Variants in PCDHGA9 observed in about 807,000 individuals in gnomAD.
PCDHGA9 encodes the protein protocadherin gamma-A9.
In PCDHGA9, 37 loss-of-function variants were observed where a neutral mutation model predicts 62.5. That is an observed-to-expected ratio of 0.59 (90% CI 0.46 to 0.78). The LOEUF is 0.78. PCDHGA9 is among the 30% of genes least tolerant of loss of function. The pLI is 0.00. For synonymous variants in PCDHGA9, 459 were observed against 484.6 expected, an observed-to-expected ratio of 0.95 and a Z score of 0.69; for missense variants, 1,138 against 1,166.2, an observed-to-expected ratio of 0.98 and a Z score of 0.35.
chr5:141,414,866 C>G (rs1413236073), intron 1 of PCDHGA9: 1 of 1,614,230 alleles, frequency 6.2e-7, no homozygotes, highest in Non-Finnish European at 8.5e-7. Flanking sequence ...GACAATGCGC[C>G]CGAGATCCTG....
At chr5:141,408,458 G>A (rs760881860) in intron 1 of PCDHGA9, 1 of 1,614,066 alleles carries the variant, frequency 6.2e-7, no homozygotes, top group Admixed American at 1.7e-5. Context: ...GGACTTACTT[G>A]TGAAGAACCG....
At chr5:141,408,513 T>C in intron 1 of PCDHGA9, 2 of 1,614,034 alleles carry the variant, frequency 1.2e-6, no homozygotes, top group East Asian at 4.5e-5. Context: ...AGATGTGAGT[T>C]GCAATTGGAA....
chr5:141,403,242 C>A lies in PCDHGA9; in HGVS notation c.290C>A (p.Ala97Asp). 6.2e-7 allele frequency: 1 copy of A among 1,613,932 alleles called. No homozygotes were observed. The highest frequency in any genetic ancestry group is 8.5e-7 in the Non-Finnish European group (1 of 1,179,904). ...AGGATAGACCGGGAGGAGCTCTGTG[C>A]TCAGAGCCCGCGGTGTCTGGTGAAC... is the stretch of plus-strand genomic sequence containing the variant. Reference protein sequence around the residue: ...AGRIDREELCAQSPRCLVNFK... With the variant: ...AGRIDREELCDQSPRCLVNFK... The change falls in exon 1 of 4, where the codon GCT becomes GAT. Residue 97 changes from alanine (A) to aspartate (D), a missense_variant. Transcript: ENST00000573521.
chr5:141,507,691 A>G (rs777728143), intron 3 of PCDHGA9, among the ~76,000 whole-genome samples: 72 of 152,198 alleles, frequency 4.7e-4, no homozygotes, highest in Non-Finnish European at 6.8e-4. Context: ...CAGAAATGAA[A>G]TCAGTATTTA....
At chr5:141,415,046 G>C in intron 1 of PCDHGA9, 1 of 1,613,468 alleles carries the variant, frequency 6.2e-7, no homozygotes, top group Non-Finnish European at 8.5e-7. Context: ...TTCGCGGTGG[G>C]GGAGCACACG....
chr5:141,413,019 C>A (rs1056458163), intron 1 of PCDHGA9: 24 of 683,104 alleles, frequency 3.5e-5, no homozygotes, highest in Non-Finnish European at 5.2e-5. Flanking sequence ...ACTACACAAG[C>A]CCCACAAACC....
chr5:141,476,743 T>A lies in PCDHGA9; in HGVS notation c.2425-18064T>A. On this transcript the variant is annotated intron_variant, in intron 1 of 3. Coordinates refer to ENST00000573521, the MANE Select transcript of PCDHGA9 (RefSeq NM_018921.3). The surrounding 1 kb of genome is among the most constrained non-coding windows in gnomAD (Gnocchi z 7.6). ...CCCTGGACCGAGAACGGGAGCCTAG[T>A]CTCCAGTTAGTGCTGACGGCGTTGG... is the stretch of plus-strand genomic sequence containing the variant. The A allele has an allele frequency of 6.2e-7, 1 of 1,613,932 alleles. No individual in the cohort carries two copies. The highest frequency in any genetic ancestry group is 1.1e-5 in the South Asian group (1 of 91,064).
chr5:141,476,091 G>A lies in PCDHGA9; in HGVS notation c.2425-18716G>A. The A allele has an allele frequency of 2.6e-6, 4 of 1,563,192 alleles. No individual in the cohort carries two copies. The highest frequency in any genetic ancestry group is 3.5e-6 in the Non-Finnish European group (4 of 1,159,278). On this transcript the variant is annotated intron_variant, in intron 1 of 3. Transcript: ENST00000573521. The surrounding 1 kb of genome is among the most constrained non-coding windows in gnomAD (Gnocchi z 7.6). ...AAATCTCAGGGACGATCTGGACCCCGCTGAGAGGAACTGCTTTTGAGTGAG... is the reference window on the plus strand; with the variant it reads ...AAATCTCAGGGACGATCTGGACCCCACTGAGAGGAACTGCTTTTGAGTGAG...
intron 1 of PCDHGA9, chr5:141,419,989 T>C (rs778087109): frequency 4.1e-5 from 66 of 1,613,962 alleles, no homozygotes; most frequent in Non-Finnish European, 5.2e-5. Context: ...TGATTCTAGC[T>C]ATTGCTCTAC....
chr5:141,484,959 C>A, intron 1 of PCDHGA9: 2 of 575,576 alleles, frequency 3.5e-6, no homozygotes, highest in Non-Finnish European at 6.2e-6. Flanking sequence ...ATTGGCTGAG[C>A]CCGGGAGCCG....
chr5:141,483,606 C>T (rs1460635551), intron 1 of PCDHGA9, among the ~76,000 whole-genome samples: 1 of 151,984 alleles, frequency 6.6e-6, no homozygotes, highest in Non-Finnish European at 1.5e-5. Flanking sequence ...CTGGTTTACA[C>T]CTCCATCATT....
At position 141,418,763 on chromosome 5, in the gene PCDHGA9, C is replaced by G. The variant is rs914122527; in HGVS notation, c.2424+13387C>G. The stretch of plus-strand genomic sequence containing the variant: ...TCTGGATTACACTACAGGAAACATT[C>G]TAACTCAGCAGCCTTTGGATTTTGA... On this transcript the variant is annotated intron_variant, in intron 1 of 3. Coordinates refer to ENST00000573521, the MANE Select transcript of PCDHGA9 (RefSeq NM_018921.3). 5 of 1,613,728 alleles carry G rather than the reference C, an allele frequency of 3.1e-6. No homozygotes were observed. The Admixed American group carries it at 5.0e-5, about 16-fold the overall frequency.
rs752680691 is a variant in PCDHGA9, at chr5:141,433,173, G to A, written c.2424+27797G>A. Reference sequence around the variant, plus strand: ...TCGGTATTTTCTAAAGACAGTCATGGGTTAATTGAGGTGAGTTTATATCAA... The same window carrying A: ...TCGGTATTTTCTAAAGACAGTCATGAGTTAATTGAGGTGAGTTTATATCAA... On this transcript the variant is annotated intron_variant, in intron 1 of 3. Coordinates refer to ENST00000573521, the MANE Select transcript of PCDHGA9 (RefSeq NM_018921.3). 3.1e-6 allele frequency: 5 copies of A among 1,610,344 alleles called. 1 individual carries two copies. In the Middle Eastern group the frequency reaches 5.0e-4, roughly 160 times the overall value.
chr5:141,477,970 T>G lies in PCDHGA9; in HGVS notation c.2425-16837T>G. ...TCTTGGGATCCCCTAACCAGAGCCTTTTTGCCATAGGGCTGCACACTGGTC... is the reference window on the plus strand; with the variant it reads ...TCTTGGGATCCCCTAACCAGAGCCTGTTTGCCATAGGGCTGCACACTGGTC... On this transcript the variant is annotated intron_variant, in intron 1 of 3. Coordinates refer to ENST00000573521, the MANE Select transcript of PCDHGA9 (RefSeq NM_018921.3). This position sits in a 1 kb window ranked among gnomAD's most constrained non-coding sequence, Gnocchi z 4.9. 1 of 1,614,090 alleles carries G rather than the reference T, an allele frequency of 6.2e-7. No homozygotes were observed. The highest frequency in any genetic ancestry group is 8.5e-7 in the Non-Finnish European group (1 of 1,180,002).
chr5:141,478,145 T>C (rs1252008984), intron 1 of PCDHGA9: 1 of 1,614,026 alleles, frequency 6.2e-7, no homozygotes. Context: ...CCGAGCCGAG[T>C]TCCCCTCTGG....
chr5:141,480,239 A>C (rs1320132415), intron 1 of PCDHGA9, among the ~76,000 whole-genome samples: 4 of 136,218 alleles, frequency 2.9e-5, no homozygotes, highest in African/African-American at 1.1e-4. Context: ...TCCTGTCTCT[A>C]CAAAAAAAAA....
At chr5:141,415,401 G>T in intron 1 of PCDHGA9, 2 of 1,614,206 alleles carry the variant, frequency 1.2e-6, no homozygotes, top group Non-Finnish European at 1.7e-6. Context: ...TGTCCGGCTC[G>T]CACTTTGTGG....
intron 1 of PCDHGA9, chr5:141,422,162 A>T: frequency 6.4e-7 from 1 of 1,571,230 alleles, no homozygotes; most frequent in Non-Finnish European, 8.6e-7. Context: ...GATTTTGAAA[A>T]ATATAGATTC....
Position 141,476,559 on chromosome 5 carries a change from T to C in PCDHGA9, c.2425-18248T>C. The stretch of plus-strand genomic sequence containing the variant: ...ATGAAATTGGAGATTAGCGAGGCCG[T>C]GGCTCCGGGGACGCGCTTTCCGCTC... On this transcript the variant is annotated intron_variant, in intron 1 of 3. Coordinates refer to ENST00000573521, the MANE Select transcript of PCDHGA9 (RefSeq NM_018921.3). This position sits in a 1 kb window ranked among gnomAD's most constrained non-coding sequence, Gnocchi z 7.6. 4 of 1,614,228 alleles carry C rather than the reference T, an allele frequency of 2.5e-6. No homozygotes were observed. Among genetic ancestry groups the C allele is most frequent in the Non-Finnish European group, 3.4e-6 (4 of 1,180,036 alleles).
Sources: gnomAD v4.1 joint callset for allele counts (sites outside exome capture counted in the v4.1 genomes callset) on GRCh38, gnomAD v4.1.1 for gene constraint, Gnocchi (gnomAD v3.1) non-coding constraint, MANE v1.5 for transcripts, NCBI Gene and HGNC (gene_info 2026-07-23, HGNC 2026-07-21) for gene names.